SAXO1: variants seen among roughly 807,000 people sequenced by gnomAD.
SAXO1 encodes stabilizer of axonemal microtubules 1.
In SAXO1, 21 loss-of-function variants were observed where a neutral mutation model predicts 17.5. The observed-to-expected ratio is 1.20, with a 90% CI of 0.85 to 1.72. SAXO1 has a LOEUF of 1.72. Ranked by LOEUF, SAXO1 falls within the 40% of genes most tolerant of loss-of-function variation. SAXO1 has a pLI of 0.00. For missense variants in SAXO1, 843 were observed against 596.0 expected (o/e 1.41, Z -4.32); for synonymous variants, 274 against 216.5 (o/e 1.27, Z -2.33).
At chr9:18,982,480 C>T (rs942180700) in intron 1 of SAXO1, among the ~76,000 whole-genome samples, 2 of 152,146 alleles carry the variant, frequency 1.3e-5, no homozygotes, top group South Asian at 2.1e-4. Context: ...ACACACAAAA[C>T]AAAAGGACCC....
intron 1 of SAXO1, among the ~76,000 whole-genome samples, chr9:19,019,013 G>A (rs534799734): frequency 6.6e-6 from 1 of 152,144 alleles, no homozygotes; most frequent in Admixed American, 6.5e-5. Flanking sequence ...GGAGGCTGAG[G>A]CAGGATAATC....
chr9:18,984,453 T>C (rs1354350363), intron 1 of SAXO1, among the ~76,000 whole-genome samples: 10 of 152,266 alleles, frequency 6.6e-5, no homozygotes, highest in African/African-American at 1.9e-4. Context: ...GTGTTTAAAA[T>C]AGCTGCCTTC....
chr9:18,964,244 T>G (rs1011714477), intron 1 of SAXO1, among the ~76,000 whole-genome samples: 2 of 152,222 alleles, frequency 1.3e-5, no homozygotes, highest in African/African-American at 4.8e-5. Flanking sequence ...TTTTTTGTTG[T>G]GTCTCTGCCA....
At chr9:19,037,398 T>G (rs780208739), upstream of SAXO1, among the ~76,000 whole-genome samples, 2 of 152,054 alleles carry the variant, frequency 1.3e-5, no homozygotes. Flanking sequence ...TATCTCATCT[T>G]AAATTGTACT....
chr9:19,004,366 G>C (rs1431950962), intron 1 of SAXO1, among the ~76,000 whole-genome samples: 1 of 152,032 alleles, frequency 6.6e-6, no homozygotes, highest in Non-Finnish European at 1.5e-5. Context: ...CTGTTACTGG[G>C]TATATAACCA....
At chr9:18,969,828 C>G (rs976299651) in intron 1 of SAXO1, among the ~76,000 whole-genome samples, 1 of 152,218 alleles carries the variant, frequency 6.6e-6, no homozygotes, top group Admixed American at 6.5e-5. Flanking sequence ...CTATGGCTGC[C>G]GCCACCACCA....
intron 3 of SAXO1, among the ~76,000 whole-genome samples, chr9:18,932,581 T>C (rs1197177128): frequency 6.6e-6 from 1 of 152,222 alleles, no homozygotes. Context: ...AGGAGCCTTC[T>C]GAGATTTTGA....
intron 2 of SAXO1, among the ~76,000 whole-genome samples, chr9:18,942,745 C>T (rs868398908): frequency 2.0e-5 from 3 of 152,318 alleles, no homozygotes; most frequent in Middle Eastern, 3.4e-3. Context: ...ACTGCAATGC[C>T]CACCAGGAAC....
intron 1 of SAXO1, chr9:19,027,125 C>G (rs773498364): frequency 4.9e-6 from 5 of 1,024,620 alleles, no homozygotes; most frequent in Non-Finnish European, 6.2e-6. Flanking sequence ...CCAACATCAT[C>G]GAGCTCCTGG....
At chr9:18,988,773 G>C (rs1833692873) in intron 1 of SAXO1, among the ~76,000 whole-genome samples, 1 of 152,108 alleles carries the variant, frequency 6.6e-6, no homozygotes, top group Admixed American at 6.5e-5. Flanking sequence ...TATGATTTAT[G>C]TGATGCTGAG....
At chr9:18,946,092 C>T (rs1469399377) in intron 2 of SAXO1, among the ~76,000 whole-genome samples, 1 of 151,962 alleles carries the variant, frequency 6.6e-6, no homozygotes, top group Non-Finnish European at 1.5e-5. Flanking sequence ...GCCTGACCAA[C>T]ATGGAGAAAC....
intron 1 of SAXO1, among the ~76,000 whole-genome samples, chr9:18,961,210 AG>A (rs1832468718): frequency 6.6e-6 from 1 of 151,162 alleles, no homozygotes; most frequent in African/African-American, 2.4e-5. Flanking sequence ...TCTGTCAGCC[AG>A]GCTAGAGTGC....
At chr9:19,046,466 C>A (rs929603690) in intron 1 of SAXO1, among the ~76,000 whole-genome samples, 1 of 152,026 alleles carries the variant, frequency 6.6e-6, no homozygotes, top group Admixed American at 6.6e-5. Context: ...GAGGCCGAGG[C>A]GGGCAGATCA....
chr9:19,014,218 T>G (rs1834870286), intron 1 of SAXO1, among the ~76,000 whole-genome samples: 2 of 151,934 alleles, frequency 1.3e-5, no homozygotes, highest in Non-Finnish European at 2.9e-5. Flanking sequence ...CGCAGCACTT[T>G]GGGAGGCTGA....
At chr9:19,046,730 G>A (rs917700020) in intron 1 of SAXO1, among the ~76,000 whole-genome samples, 28 of 150,772 alleles carry the variant, frequency 1.9e-4, no homozygotes, top group African/African-American at 6.6e-4. Flanking sequence ...ATTAAGCATA[G>A]TGGCACACAC....
At chr9:18,987,566 T>C (rs1245323543) in intron 1 of SAXO1, among the ~76,000 whole-genome samples, 1 of 152,166 alleles carries the variant, frequency 6.6e-6, no homozygotes, top group Non-Finnish European at 1.5e-5. Context: ...AGTAATGTTA[T>C]GAGGGCAAGG....
chr9:18,976,703 G>C (rs967628557), intron 1 of SAXO1, among the ~76,000 whole-genome samples: 2 of 152,182 alleles, frequency 1.3e-5, no homozygotes, highest in African/African-American at 2.4e-5. Context: ...GAGTCTTGTG[G>C]TTGTAATCTT....
chr9:19,002,147 A>G (rs1834300618), intron 1 of SAXO1, among the ~76,000 whole-genome samples: 1 of 152,238 alleles, frequency 6.6e-6, no homozygotes, highest in Non-Finnish European at 1.5e-5. Context: ...AAAGTCTGGA[A>G]GAAATCGATA....
At chr9:18,948,353 A>C (rs1316017268) in intron 2 of SAXO1, among the ~76,000 whole-genome samples, 1 of 152,202 alleles carries the variant, frequency 6.6e-6, no homozygotes, top group Non-Finnish European at 1.5e-5. Context: ...AAATAAAAAG[A>C]GATTCATATC....
Sources: gnomAD v4.1 joint callset for allele counts (sites outside exome capture counted in the v4.1 genomes callset) on GRCh38, gnomAD v4.1.1 for gene constraint, MANE v1.5 for transcripts, NCBI Gene and HGNC (gene_info 2026-07-23, HGNC 2026-07-21) for gene names.